The following CRTC1 variants were observed in gnomAD, a reference collection of about 807,000 sequenced individuals.
CRTC1 encodes the protein CREB regulated transcription coactivator 1.
A neutral mutation model predicts 66.1 loss-of-function variants in CRTC1; 18 were observed. The ratio of observed to expected loss-of-function variants is 0.27; its 90% CI spans 0.19 to 0.40. The LOEUF is 0.40. Ranked by LOEUF, CRTC1 falls within the 10% of genes least tolerant of loss-of-function variation. The pLI, the probability that CRTC1 is intolerant of heterozygous loss-of-function variation, is 1.00. For synonymous variants in CRTC1, 416 were observed against 398.8 expected (o/e 1.04, Z -0.51); for missense variants, 669 against 887.9 (o/e 0.75, Z 3.13).
chr19:18,774,168 C>G (rs2054931731), intron 11 of CRTC1, among the ~76,000 whole-genome samples: 1 of 152,174 alleles, frequency 6.6e-6, no homozygotes, highest in Non-Finnish European at 1.5e-5. Flanking sequence ...ACGGCCACCC[C>G]CTCCTCGCCT....
At chr19:18,727,208 C>G (rs1385118242) in intron 1 of CRTC1, among the ~76,000 whole-genome samples, 1 of 152,034 alleles carries the variant, frequency 6.6e-6, no homozygotes, top group African/African-American at 2.4e-5. Context: ...TATGATTGTG[C>G]TGCTGCACTC....
At chr19:18,697,412 C>T (rs180927632) in intron 1 of CRTC1, among the ~76,000 whole-genome samples, 8 of 152,214 alleles carry the variant, frequency 5.3e-5, no homozygotes, top group South Asian at 2.1e-4. Context: ...CGTGTTCAAG[C>T]GATTGTCCTG....
At chr19:18,775,923 C>T (rs755130377) in intron 13 of CRTC1, 102 bp downstream of exon 13, 298 of 1,292,054 alleles carry the variant, frequency 2.3e-4, no homozygotes, top group Admixed American at 1.8e-3. Context: ...TTGACAGGGC[C>T]GGGGTTGTGA....
chr19:18,733,634 C>T (rs1369040962), intron 1 of CRTC1, among the ~76,000 whole-genome samples: 1 of 152,220 alleles, frequency 6.6e-6, no homozygotes, highest in South Asian at 2.1e-4. Context: ...CAGATGTTTA[C>T]TGAGGAACTC....
Position 18,777,564 on chromosome 19 carries a change from C to A in CRTC1, c.*182C>A. Reference sequence around the variant, plus strand: ...CCCGCGAAGCCCAATCGCGAGGCCGCGAGCCGGGCCGTCCACCCACCCGCC... The same window carrying A: ...CCCGCGAAGCCCAATCGCGAGGCCGAGAGCCGGGCCGTCCACCCACCCGCC... On this transcript the variant is annotated 3_prime_UTR_variant, in exon 14 of 14. Coordinates refer to ENST00000321949, the MANE Select transcript of CRTC1 (RefSeq NM_015321.3). The surrounding 1 kb of genome is among the most constrained non-coding windows in gnomAD (Gnocchi z 5.5). The A allele has an allele frequency of 1.7e-6, 1 of 588,642 alleles. No individual in the cohort carries two copies. Among genetic ancestry groups the A allele is most frequent in the South Asian group, 2.1e-5 (1 of 47,786 alleles). 36.5% of individuals were successfully genotyped at this position (588,642 alleles called of 1,614,324 possible).
chr19:18,686,675 G>C (rs1178095013), intron 1 of CRTC1, among the ~76,000 whole-genome samples: 1 of 152,134 alleles, frequency 6.6e-6, no homozygotes, highest in Non-Finnish European at 1.5e-5. Flanking sequence ...AGATTCTGAA[G>C]ATATGCAGGT....
At chr19:18,766,887 A>AT (rs1403204403) in intron 9 of CRTC1, among the ~76,000 whole-genome samples, 2 of 152,140 alleles carry the variant, frequency 1.3e-5, no homozygotes, top group East Asian at 1.9e-4. Flanking sequence ...CTTCTCTTCT[A>AT]TTTTTTGGAA....
At chr19:18,762,241 G>T (rs1196362677) in intron 8 of CRTC1, among the ~76,000 whole-genome samples, 1 of 152,230 alleles carries the variant, frequency 6.6e-6, no homozygotes, top group Non-Finnish European at 1.5e-5. Flanking sequence ...CCTCCAGCAG[G>T]CACCCAGTCT....
chr19:18,760,966 A>C lies in CRTC1; in HGVS notation c.886+738A>C. Among the ~76,000 whole-genome samples, 1 of 122,708 alleles carries C rather than the reference A, an allele frequency of 8.1e-6. No homozygotes were observed. Among genetic ancestry groups the C allele is most frequent in the Admixed American group, 8.6e-5 (1 of 11,608 alleles). The allele number at this position is 122,708 out of a possible 152,430, so 80.5% of individuals were successfully genotyped here. On this transcript the variant is annotated intron_variant, in intron 8 of 13. Coordinates refer to ENST00000321949, the MANE Select transcript of CRTC1 (RefSeq NM_015321.3). This position sits in a 1 kb window ranked among gnomAD's most constrained non-coding sequence, Gnocchi z 6.2. The stretch of plus-strand genomic sequence containing the variant: ...ACAGCCACCAGCCATGGCTTCCTCC[A>C]CTTGGGACCTCGCACGGCCCCCAGC...
chr19:18,747,101 A>G lies in CRTC1; in HGVS notation c.430A>G (p.Thr144Ala). 1.9e-6 allele frequency: 3 copies of G among 1,579,694 alleles called. No individual in the cohort carries two copies. Among genetic ancestry groups the G allele is most frequent in the Non-Finnish European group, 2.6e-6 (3 of 1,156,392 alleles). Residue 144 changes from threonine to alanine, a missense_variant, in exon 4 of 14, where the codon ACC becomes GCC. Physicochemically the swap from Thr to Ala is moderately conservative, Grantham distance 58 (BLOSUM62 0). This residue lies in a region of CRTC1 where 214 missense variants were observed against 323.4 expected (regional missense o/e 0.66). Coordinates refer to ENST00000321949, the MANE Select transcript of CRTC1 (RefSeq NM_015321.3). ...CATGTACCTCTCACCACCCGCGGACACCAGCTGGAGAAGGTCAGTGGCTGG... is the reference window on the plus strand; with the variant it reads ...CATGTACCTCTCACCACCCGCGGACGCCAGCTGGAGAAGGTCAGTGGCTGG... ...GTMYLSPPADTSWRRTNSDSA... is the reference protein window; with the variant it reads ...GTMYLSPPADASWRRTNSDSA...
At chr19:18,774,049 G>A (rs2054929365) in intron 11 of CRTC1, among the ~76,000 whole-genome samples, 1 of 152,174 alleles carries the variant, frequency 6.6e-6, no homozygotes, top group African/African-American at 2.4e-5. Flanking sequence ...ATGGCTGTGG[G>A]GCAGTGGCTT....
Position 18,779,826 on chromosome 19 carries a change from G to T in CRTC1, c.*2444G>T. 4.4e-6 allele frequency: 1 copy of T among 225,948 alleles called. No individual in the cohort carries two copies. Among genetic ancestry groups the T allele is most frequent in the Non-Finnish European group, 8.8e-6 (1 of 113,634 alleles). 14.0% of individuals were successfully genotyped at this position (225,948 alleles called of 1,614,324 possible). ...TTCTTTTTCCAATAAGAACCTGGTG[G>T]ACCGAGGTCCGAGCTTGCCAGGGAC... is the stretch of plus-strand genomic sequence containing the variant. On this transcript the variant is annotated 3_prime_UTR_variant, in exon 14 of 14. Transcript: ENST00000321949.
chr19:18,694,351 A>G (rs1445294237), intron 1 of CRTC1, among the ~76,000 whole-genome samples: 7 of 151,802 alleles, frequency 4.6e-5, no homozygotes, highest in Non-Finnish European at 8.8e-5. Flanking sequence ...AAAAAGTACC[A>G]GTTGGGACCC....
chr19:18,698,938 G>T (rs533639419), intron 1 of CRTC1, among the ~76,000 whole-genome samples: 1 of 151,520 alleles, frequency 6.6e-6, no homozygotes. Flanking sequence ...TTTAGCAGGC[G>T]CTCAGCAGGT....
chr19:18,762,724 C>T (rs776551797), intron 8 of CRTC1, among the ~76,000 whole-genome samples: 2 of 152,238 alleles, frequency 1.3e-5, no homozygotes, highest in Non-Finnish European at 2.9e-5. Flanking sequence ...TGTGCCTGTT[C>T]CCAAAGGTGA....
chr19:18,730,951 T>TTCCC (rs1229193931), intron 1 of CRTC1, among the ~76,000 whole-genome samples: 1 of 144,408 alleles, frequency 6.9e-6, no homozygotes, highest in African/African-American at 2.5e-5. Context: ...CTGAGTATCC[T>TTCCC]TCCCTCCCTC....
chr19:18,776,386 C>A (rs2054989389), intron 13 of CRTC1, among the ~76,000 whole-genome samples: 1 of 152,240 alleles, frequency 6.6e-6, no homozygotes, highest in Non-Finnish European at 1.5e-5. Flanking sequence ...CAGACCCTGT[C>A]TCCCTGCTGA....
At chr19:18,751,283 G>A (rs1391974073) in intron 5 of CRTC1, among the ~76,000 whole-genome samples, 1 of 151,930 alleles carries the variant, frequency 6.6e-6, no homozygotes, top group East Asian at 1.9e-4. Context: ...CAGCACTTTG[G>A]GAGGCCGAGG....
Position 18,771,298 on chromosome 19 carries a change from T to C in CRTC1, c.1321-144T>C. On this transcript the variant is annotated intron_variant, in intron 10 of 13. Coordinates refer to ENST00000321949, the MANE Select transcript of CRTC1 (RefSeq NM_015321.3). The surrounding 1 kb of genome is among the most constrained non-coding windows in gnomAD (Gnocchi z 4.6). ...CTGCAGGTGTCCAGGCTCCTCTGCC[T>C]ACCAGTGGGGTGGCGACCATCACCA... 1 of 639,338 alleles carries C rather than the reference T, an allele frequency of 1.6e-6. No individual in the cohort carries two copies. Among genetic ancestry groups the C allele is most frequent in the Non-Finnish European group, 2.6e-6 (1 of 377,376 alleles). 39.6% of individuals were successfully genotyped at this position (639,338 alleles called of 1,614,324 possible).
Sources: gnomAD v4.1 joint callset for allele counts (sites outside exome capture counted in the v4.1 genomes callset) on GRCh38, gnomAD v4.1.1 for gene constraint, gnomAD v4.1.1 regional missense constraint, Gnocchi (gnomAD v3.1) non-coding constraint, MANE v1.5 for transcripts, NCBI Gene and HGNC (gene_info 2026-07-23, HGNC 2026-07-21) for gene names.